PRR14L: variants seen among roughly 807,000 people sequenced by gnomAD.
The protein encoded by PRR14L is proline rich 14 like.
PRR14L carries 80 observed loss-of-function variants against 155.0 expected under a neutral mutation model. The ratio of observed to expected loss-of-function variants is 0.52; its 90% CI spans 0.43 to 0.62. The LOEUF is 0.62. PRR14L is among the 20% of genes least tolerant of loss of function. The pLI is 0.00. For missense variants in PRR14L, 2,469 were observed against 2,548.0 expected (o/e 0.97, Z 0.67); for synonymous variants, 883 against 916.0 (o/e 0.96, Z 0.65).
rs746370849 is a variant in PRR14L, at chr22:31,714,597, G to T, written c.3242C>A (p.Ala1081Glu). 8.4e-6 allele frequency: 13 copies of T among 1,551,842 alleles called. No individual in the cohort carries two copies. The highest frequency in any genetic ancestry group is 1.1e-5 in the Non-Finnish European group (13 of 1,147,056). ...VKASNLLDCG[A>E]RQEKLAFQED... Reference sequence around the variant, plus strand: ...TTGAAATGCCAGTTTCTCTTGCCTTGCACCACAATCCAGTAGATTAGATGC... The same window carrying T: ...TTGAAATGCCAGTTTCTCTTGCCTTTCACCACAATCCAGTAGATTAGATGC... The change falls in exon 4 of 9, where the codon GCA (alanine) becomes GAA (glutamate). Residue 1081 changes from alanine to glutamate, a missense_variant. Transcript: ENST00000327423.
intron 7 of PRR14L, among the ~76,000 whole-genome samples, chr22:31,694,539 A>C (rs529903286): frequency 3.9e-5 from 6 of 152,150 alleles, no homozygotes; most frequent in South Asian, 4.1e-4. Flanking sequence ...TGAGGTCAGG[A>C]GATCGAGACC....
intron 1 of PRR14L, among the ~76,000 whole-genome samples, chr22:31,748,066 C>T (rs1223879405): frequency 6.6e-6 from 1 of 152,012 alleles, no homozygotes; most frequent in African/African-American, 2.4e-5. Context: ...AATTCCAATG[C>T]ATAGGGGCTG....
chr22:31,716,868 C>T lies in PRR14L; in HGVS notation c.971G>A (p.Ser324Asn). The change falls in exon 4 of 9, where the codon AGT (serine) becomes AAT (asparagine). Residue 324 changes from serine to asparagine, a missense_variant. Transcript: ENST00000327423. ...GGCTGTGGGACTATCATGTGTAGAA[C>T]TGGGTTGTTCATTATGGTGGCCATG... is the stretch of plus-strand genomic sequence containing the variant. ...QLHGHHNEQP[S>N]STHDSPTATS... 1 of 1,551,966 alleles carries T rather than the reference C, an allele frequency of 6.4e-7. No homozygotes were observed. The highest frequency in any genetic ancestry group is 8.7e-7 in the Non-Finnish European group (1 of 1,147,056).
chr22:31,712,502 C>T lies in PRR14L; in HGVS notation c.5337G>A (p.Arg1779=), dbSNP rs764567739. ...TCTGACTATGGACGCCAGTGTCTTC[C>T]CTGAATGTTGCCATCCCAGGGCAAC... ...SHGCPGMATF[R]EDTGVHSQTH... is the part of the protein sequence containing the mutation. Residue 1779 remains arginine, a synonymous_variant, in exon 4 of 9, where the codon AGG becomes AGA. Coordinates refer to ENST00000327423, the MANE Select transcript of PRR14L (RefSeq NM_173566.3). 6.4e-7 allele frequency: 1 copy of T among 1,551,844 alleles called. No individual in the cohort carries two copies. The highest frequency in any genetic ancestry group is 1.2e-5 in the South Asian group (1 of 84,142).
At chr22:31,749,963 G>A (rs898591097) in intron 1 of PRR14L, 30 bp downstream of exon 1, 5 of 152,654 alleles carry the variant, frequency 3.3e-5, no homozygotes. Flanking sequence ...GGGCGGCTAC[G>A]CCCGAAGCCT....
rs371708583 is a variant in PRR14L at position 31,738,520 on chromosome 22, C to A, written c.341G>T (p.Ser114Ile). The A allele has an allele frequency of 6.4e-7, 1 of 1,552,062 alleles. No individual in the cohort carries two copies. Among genetic ancestry groups the A allele is most frequent in the Admixed American group, 2.0e-5 (1 of 50,990 alleles). ...ASGILDRAKR[S>I]ESMEPKVFRD... ...GAAGACCTTTGGCTCCATGCTCTCG[C>A]TTCTCTTTGCCCTATCCAAGATCCC... Residue 114 changes from serine (S) to isoleucine (I), a missense_variant, in exon 2 of 9, where the codon AGC becomes ATC. This residue lies in a region of PRR14L where 2,363 missense variants were observed against 2,371.6 expected (regional missense o/e 1.00). Coordinates refer to ENST00000327423, the MANE Select transcript of PRR14L (RefSeq NM_173566.3).
chr22:31,717,677 T>C (rs562133565), intron 3 of PRR14L, among the ~76,000 whole-genome samples: 1 of 152,240 alleles, frequency 6.6e-6, no homozygotes, highest in African/African-American at 2.4e-5. Flanking sequence ...TAGATGACCA[T>C]GTTCTCAGTA....
At chr22:31,729,514 G>A (rs1601512749) in intron 2 of PRR14L, among the ~76,000 whole-genome samples, 1 of 152,148 alleles carries the variant, frequency 6.6e-6, no homozygotes, top group East Asian at 1.9e-4. Flanking sequence ...ACCACGCCCG[G>A]CCTAGTTACA....
At chr22:31,694,272 G>A (rs1197644209) in intron 7 of PRR14L, among the ~76,000 whole-genome samples, 5 of 152,132 alleles carry the variant, frequency 3.3e-5, no homozygotes, top group Non-Finnish European at 7.4e-5. Flanking sequence ...GAGCCACTGC[G>A]CCTGGCCAGC....
chr22:31,681,353 A>T lies in PRR14L; in HGVS notation c.*4174T>A, dbSNP rs2074452888. ...GTAACGGCCTTGAGAGTTATTTGAA[A>T]GGTTTTCAAAAAAATTTATTTTCAT... On this transcript the variant is annotated 3_prime_UTR_variant, in exon 9 of 9. Transcript: ENST00000327423. The T allele has an allele frequency of 6.6e-6, 1 of 152,206 alleles. No individual in the cohort carries two copies. The highest frequency in any genetic ancestry group is 6.5e-5 in the Admixed American group (1 of 15,268). The allele number at this position is 152,206 out of a possible 1,614,324, so 9.4% of individuals were successfully genotyped here. A position where few individuals can be genotyped will look rare whatever the true frequency, so the allele number is the denominator to read the frequency against.
chr22:31,719,277 G>A (rs1312977539), intron 3 of PRR14L, among the ~76,000 whole-genome samples: 1 of 151,950 alleles, frequency 6.6e-6, no homozygotes, highest in Non-Finnish European at 1.5e-5. Flanking sequence ...GCTGAGCATG[G>A]TGGTGTGTGC....
At chr22:31,721,869 T>G (rs775124357) in intron 3 of PRR14L, among the ~76,000 whole-genome samples, 1 of 152,134 alleles carries the variant, frequency 6.6e-6, no homozygotes, top group African/African-American at 2.4e-5. Context: ...GGTAATTTGA[T>G]AGTACTGACA....
Position 31,712,641 on chromosome 22 carries a change from T to C in PRR14L, c.5198A>G (p.Glu1733Gly), listed in dbSNP as rs1050704004. 1 of 1,551,780 alleles carries C rather than the reference T, an allele frequency of 6.4e-7. No individual in the cohort carries two copies. Among genetic ancestry groups the C allele is most frequent in the African/African-American group, 1.4e-5 (1 of 73,188 alleles). The change falls in exon 4 of 9, where the codon GAG (glutamate) becomes GGG (glycine). Residue 1733 changes from glutamate (E) to glycine (G), a missense_variant. Glu to Gly is a moderately conservative substitution (Grantham distance 98). This residue lies in a region of PRR14L where 2,363 missense variants were observed against 2,371.6 expected (regional missense o/e 1.00). Transcript: ENST00000327423. ...VKSSSSDCTT[E>G]SSRTFPEHCA... is the part of the protein sequence containing the mutation. Reference sequence around the variant, plus strand: ...GTGCTCAGGAAAAGTCCTTGAGGACTCAGTCGTGCAATCTGAGCTGGATGA... The same window carrying C: ...GTGCTCAGGAAAAGTCCTTGAGGACCCAGTCGTGCAATCTGAGCTGGATGA...
intron 3 of PRR14L, among the ~76,000 whole-genome samples, chr22:31,724,375 C>T (rs2074706141): frequency 6.6e-6 from 1 of 152,172 alleles, no homozygotes; most frequent in Admixed American, 6.5e-5. Context: ...TGTCGGGGAC[C>T]ACTGACTTAG....
chr22:31,730,395 G>A (rs901948838), intron 2 of PRR14L, among the ~76,000 whole-genome samples: 16 of 152,216 alleles, frequency 1.1e-4, no homozygotes, highest in African/African-American at 3.9e-4. Context: ...AGTGAGCTGA[G>A]ATCGTGCCAC....
Position 31,714,008 on chromosome 22 carries a change from G to C in PRR14L, c.3831C>G (p.Cys1277Trp). The C allele has an allele frequency of 6.4e-7, 1 of 1,551,034 alleles. No individual in the cohort carries two copies. The highest frequency in any genetic ancestry group is 1.2e-5 in the South Asian group (1 of 83,984). The change falls in exon 4 of 9, where the codon TGC (cysteine) becomes TGG (tryptophan). Residue 1277 changes from cysteine to tryptophan, a missense_variant. By Grantham distance (215) the Cys-to-Trp change is radical. Around this residue, in one of 2 missense-constraint regions of PRR14L, gnomAD observed 2,363 missense variants for 2,371.6 expected, o/e 1.00. Coordinates refer to ENST00000327423, the MANE Select transcript of PRR14L (RefSeq NM_173566.3). ...GEMLCENVKD[C>W]TVLPEMKEIV... The stretch of plus-strand genomic sequence containing the variant: ...TTTCCTTCATCTCAGGAAGGACTGT[G>C]CAGTCCTTTACATTTTCACAAAGCA...
intron 3 of PRR14L, among the ~76,000 whole-genome samples, chr22:31,718,114 G>A (rs762770350): frequency 1.3e-5 from 2 of 151,702 alleles, no homozygotes; most frequent in Non-Finnish European, 2.9e-5. Context: ...TTTTAGTAGA[G>A]ACGGAGTTTC....
intron 3 of PRR14L, among the ~76,000 whole-genome samples, chr22:31,718,250 GGTTTTT>G (rs201436774): frequency 0.025 from 3,221 of 128,940 alleles, 38 homozygotes; most frequent in Middle Eastern, 0.068. Context: ...TTTTTGGGGG[GGTTTTT>G]GTTTTTGTTT....
chr22:31,743,802 GAA>G (rs552902262), intron 1 of PRR14L, among the ~76,000 whole-genome samples: 9 of 120,134 alleles, frequency 7.5e-5, no homozygotes, highest in Admixed American at 8.7e-5. Context: ...ACCCTGCCTC[GAA>G]AAAAAAAAAA....
Sources: gnomAD v4.1 joint callset for allele counts (sites outside exome capture counted in the v4.1 genomes callset) on GRCh38, gnomAD v4.1.1 for gene constraint, gnomAD v4.1.1 regional missense constraint, MANE v1.5 for transcripts, NCBI Gene and HGNC (gene_info 2026-07-23, HGNC 2026-07-21) for gene names.